Variants in SPIN2A observed in about 807,000 individuals in gnomAD.
SPIN2A encodes spindlin family member 2A, also known as spindlin-2A.
Under a neutral mutation model 9.2 loss-of-function variants are expected in SPIN2A, and 4 were observed. The observed-to-expected ratio is 0.44, with a 90% CI of 0.21 to 1.00. The LOEUF (loss-of-function observed/expected upper bound fraction) is 1.00. SPIN2A is among the 50% of genes least tolerant of loss of function. The pLI, the probability that SPIN2A is intolerant of heterozygous loss-of-function variation, is 0.26. For synonymous variants in SPIN2A, 25 were observed against 61.2 expected, an observed-to-expected ratio of 0.41 and a Z score of 2.76; for missense variants, 77 against 172.8, an observed-to-expected ratio of 0.45 and a Z score of 3.11.
At chrX:57,135,406 C>T (rs187998639), downstream of SPIN2A, 1 of 163,627 alleles carries the variant, frequency 6.1e-6, no homozygotes, top group East Asian at 1.7e-4. Context: ...CCCTTTCTGG[C>T]CCTTTTCCAC....
the SPIN2A span, among the ~76,000 whole-genome samples, chrX:57,142,698 T>A: frequency 8.9e-6 from 1 of 111,807 alleles, no homozygotes; most frequent in African/African-American, 3.2e-5. Flanking sequence ...ATGTTGAAAG[T>A]GGGGTGTTAT....
At chrX:57,142,450 A>G (rs1018699200), upstream of SPIN2A, among the ~76,000 whole-genome samples, 1 of 111,959 alleles carries the variant, frequency 8.9e-6, no homozygotes, top group Non-Finnish European at 1.9e-5. Flanking sequence ...GTTTTATTCC[A>G]TTGTAGTTAG....
At chrX:57,137,214 C>G in intron 1 of SPIN2A, 46 bp downstream of exon 1, 1 of 760,316 alleles carries the variant, frequency 1.3e-6, no homozygotes, top group Non-Finnish European at 1.6e-6. Context: ...CCCTGCCTGG[C>G]GTCCACCGCC....
At chrX:57,141,126 G>C (rs916920330), upstream of SPIN2A, among the ~76,000 whole-genome samples, 1 of 111,375 alleles carries the variant, frequency 9.0e-6, no homozygotes, top group Non-Finnish European at 1.9e-5. Flanking sequence ...TATCCATTTT[G>C]TTGAGAGTTT....
upstream of SPIN2A, among the ~76,000 whole-genome samples, chrX:57,139,940 A>G (rs1297708186): frequency 8.9e-6 from 1 of 112,096 alleles, no homozygotes; most frequent in African/African-American, 3.2e-5. Context: ...GTATATGTAG[A>G]TAACTTGGAG....
the SPIN2A span, among the ~76,000 whole-genome samples, chrX:57,144,518 A>T: frequency 9.2e-6 from 1 of 108,568 alleles, no homozygotes; most frequent in African/African-American, 3.3e-5. Context: ...TTATTTTTTA[A>T]TAATTTTTAA....
At chrX:57,140,125 G>A (rs1927958662), upstream of SPIN2A, among the ~76,000 whole-genome samples, 2 of 111,007 alleles carry the variant, frequency 1.8e-5, no homozygotes, top group Non-Finnish European at 3.8e-5. Flanking sequence ...ATTGTAAAAG[G>A]GATTGCTTTC....
chrX:57,137,086 C>T (rs1460729347), intron 1 of SPIN2A, 174 bp downstream of exon 1: 104 of 785,103 alleles, frequency 1.3e-4, no homozygotes, highest in African/African-American at 3.7e-4. Flanking sequence ...TACCCCCTTT[C>T]CCTGTCGTCC....
At chrX:57,142,736 C>A in the SPIN2A span, among the ~76,000 whole-genome samples, 15 of 111,645 alleles carry the variant, frequency 1.3e-4, no homozygotes, top group African/African-American at 4.9e-4. Context: ...GTTTTGGGAT[C>A]TACCTCTCTC....
rs1447818770 is a variant in SPIN2A, at chrX:57,135,661, C to A, written c.*160G>T. On this transcript the variant is annotated 3_prime_UTR_variant, in exon 2 of 2. Transcript: ENST00000374906. Reference sequence around the variant, plus strand: ...TTACAGACAGCATGTCATGTATTCACAAATTTGTATTTTTTAGAGCAAAAC... The same window carrying A: ...TTACAGACAGCATGTCATGTATTCAAAAATTTGTATTTTTTAGAGCAAAAC... 8 of 1,073,676 alleles carry A rather than the reference C, an allele frequency of 7.5e-6. No individual in the cohort carries two copies. The allele number at this position is 1,073,676 out of a possible 1,213,427, so 88.5% of individuals were successfully genotyped here.
At chrX:57,143,691 T>C in the SPIN2A span, among the ~76,000 whole-genome samples, 1 of 111,180 alleles carries the variant, frequency 9.0e-6, no homozygotes, top group South Asian at 3.8e-4. Context: ...TTGCCTGGGC[T>C]GGTCTTGAAC....
chrX:57,145,552 T>C, the SPIN2A span, among the ~76,000 whole-genome samples: 5 of 112,064 alleles, frequency 4.5e-5, no homozygotes, highest in Non-Finnish European at 9.4e-5. Flanking sequence ...GCAGAAGCAT[T>C]TTAGTTTAAT....
chrX:57,142,295 T>G (rs1361889500), upstream of SPIN2A, among the ~76,000 whole-genome samples: 1 of 112,067 alleles, frequency 8.9e-6, no homozygotes, highest in Non-Finnish European at 1.9e-5. Flanking sequence ...GGTTTTGGTA[T>G]GTTGTGCTTT....
the SPIN2A span, among the ~76,000 whole-genome samples, chrX:57,143,907 C>G: frequency 3.6e-5 from 4 of 111,800 alleles, no homozygotes; most frequent in Non-Finnish European, 7.5e-5. Flanking sequence ...TTTTAGATCT[C>G]CAGATGATTT....
chrX:57,134,923 A>G (rs1210076302), downstream of SPIN2A: 1 of 111,927 alleles, frequency 8.9e-6, no homozygotes, highest in African/African-American at 3.3e-5. Flanking sequence ...CATTCCTGTC[A>G]ACATGCTCTT....
At chrX:57,143,051 T>C in the SPIN2A span, among the ~76,000 whole-genome samples, 4 of 111,807 alleles carry the variant, frequency 3.6e-5, no homozygotes, top group African/African-American at 1.3e-4. Flanking sequence ...GTCTTATTTT[T>C]TGATTCATTC....
intron 1 of SPIN2A, chrX:57,137,000 T>C (rs746798880): frequency 7.9e-4 from 680 of 863,406 alleles, no homozygotes; most frequent in East Asian, 2.7e-3. Context: ...CCACTGCCTA[T>C]CCTAACCACT....
chrX:57,140,944 A>G (rs1365155159), upstream of SPIN2A, among the ~76,000 whole-genome samples: 1 of 111,785 alleles, frequency 8.9e-6, no homozygotes, highest in African/African-American at 3.3e-5. Flanking sequence ...TATTTATGTA[A>G]AAAGCCCACA....
the SPIN2A span, among the ~76,000 whole-genome samples, chrX:57,146,112 G>A: frequency 9.1e-6 from 1 of 109,744 alleles, no homozygotes; most frequent in African/African-American, 3.3e-5. Context: ...GAATGATGGT[G>A]TCATTTTGAT....
Sources: gnomAD v4.1 joint callset for allele counts (sites outside exome capture counted in the v4.1 genomes callset) on GRCh38, gnomAD v4.1.1 for gene constraint, MANE v1.5 for transcripts, NCBI Gene and HGNC (gene_info 2026-07-23, HGNC 2026-07-21) for gene names.